DNAH8: variants seen among roughly 807,000 people sequenced by gnomAD.
DNAH8 encodes the protein dynein axonemal heavy chain 8, also known as axonemal beta dynein heavy chain 8.
In DNAH8, 382 loss-of-function variants were observed where a neutral mutation model predicts 562.1. That is an observed-to-expected ratio of 0.68 (90% CI 0.63 to 0.74). The LOEUF (loss-of-function observed/expected upper bound fraction) is 0.74, where lower values mean the gene tolerates loss of function less well. Ranked by LOEUF, DNAH8 falls within the 30% of genes least tolerant of loss-of-function variation. DNAH8 has a pLI of 0.00. For synonymous variants in DNAH8, 1,881 were observed against 1,919.4 expected (o/e 0.98, Z 0.52); for missense variants, 5,203 against 5,620.4 (o/e 0.93, Z 2.37).
intron 36 of DNAH8, among the ~76,000 whole-genome samples, chr6:38,848,056 G>A (rs536671543): frequency 6.6e-6 from 1 of 152,128 alleles, no homozygotes; most frequent in Non-Finnish European, 1.5e-5. Flanking sequence ...CAGACTTCAA[G>A]CTTGACTCTG....
chr6:38,842,623 T>C, intron 34 of DNAH8, 40 bp from the exon 35 acceptor site: 1 of 1,599,534 alleles, frequency 6.3e-7, no homozygotes, highest in Non-Finnish European at 8.5e-7. Context: ...CTCAAATAAA[T>C]GTGAAGGTGG....
chr6:38,937,893 T>C, intron 77 of DNAH8, 81 bp from the exon 78 acceptor site: 3 of 1,471,628 alleles, frequency 2.0e-6, no homozygotes, highest in Non-Finnish European at 1.8e-6. Context: ...CTAACAGCGT[T>C]TTTTTTTTTT....
At chr6:38,857,268 C>T (rs1255476474) in intron 41 of DNAH8, among the ~76,000 whole-genome samples, 1 of 152,142 alleles carries the variant, frequency 6.6e-6, no homozygotes, top group Non-Finnish European at 1.5e-5. Context: ...GAAAAATTTC[C>T]TAACCATCTT....
chr6:38,890,589 G>A (rs1242668262), intron 57 of DNAH8, 63 bp from the exon 58 acceptor site: 3 of 1,172,244 alleles, frequency 2.6e-6, no homozygotes, highest in Non-Finnish European at 3.8e-6. Context: ...TTGTTTACTG[G>A]GATAAACATA....
intron 77 of DNAH8, among the ~76,000 whole-genome samples, chr6:38,937,381 C>G (rs1475004087): frequency 6.6e-6 from 1 of 151,864 alleles, no homozygotes; most frequent in Non-Finnish European, 1.5e-5. Context: ...AAAGGCAAAA[C>G]TAAAAATAAA....
chr6:38,917,552 T>G, intron 69 of DNAH8, 146 bp downstream of exon 69: 1 of 709,694 alleles, frequency 1.4e-6, no homozygotes. Context: ...ACCTAAAATG[T>G]AAAGAGGGAT....
intron 77 of DNAH8, among the ~76,000 whole-genome samples, chr6:38,936,752 C>A (rs1379446657): frequency 6.6e-6 from 1 of 152,168 alleles, no homozygotes; most frequent in Non-Finnish European, 1.5e-5. Context: ...CAAGAGTGTG[C>A]TGGATCAAGA....
chr6:38,978,334 G>T (rs1280810133), intron 85 of DNAH8, among the ~76,000 whole-genome samples: 1 of 152,070 alleles, frequency 6.6e-6, no homozygotes, highest in African/African-American at 2.4e-5. Flanking sequence ...TTCTTCATTC[G>T]GAAAAGTGTT....
At position 38,913,967 on chromosome 6, in the gene DNAH8, A is replaced by G; in HGVS notation, c.9963+15A>G. On this transcript the variant is annotated intron_variant, in intron 67 of 92. Coordinates refer to ENST00000327475, the MANE Select transcript of DNAH8 (RefSeq NM_001206927.2). ...AAGCAGACGAAGTGAGTTTGCATTT[A>G]TTTTATCACTGATGAGGAATATTTT... The G allele has an allele frequency of 1.3e-6, 2 of 1,576,600 alleles. No individual in the cohort carries two copies. Among genetic ancestry groups the G allele is most frequent in the Non-Finnish European group, 1.7e-6 (2 of 1,146,652 alleles).
chr6:38,827,744 T>C (rs1057145487), intron 29 of DNAH8, among the ~76,000 whole-genome samples: 2 of 89,710 alleles, frequency 2.2e-5, no homozygotes, highest in East Asian at 5.2e-4. Flanking sequence ...TTTTTTTTTT[T>C]TTTTTTTTTT....
At chr6:38,904,250 G>A (rs1053886004) in intron 62 of DNAH8, among the ~76,000 whole-genome samples, 4 of 152,202 alleles carry the variant, frequency 2.6e-5, no homozygotes, top group Non-Finnish European at 5.9e-5. Flanking sequence ...ACTCATGGAT[G>A]TGGAGTTCAG....
At chr6:38,772,153 C>T (rs113084537) in intron 12 of DNAH8, among the ~76,000 whole-genome samples, 18,496 of 151,432 alleles carry the variant, frequency 0.12, 1,355 homozygotes, top group Admixed American at 0.21. Flanking sequence ...CTCAGCCTCC[C>T]GAGTAGCTGG....
chr6:38,938,684 C>T lies in DNAH8; in HGVS notation c.11817-114C>T, dbSNP rs554964804. 1.9e-5 allele frequency: 13 copies of T among 700,134 alleles called. No individual in the cohort carries two copies. The African/African-American group carries it at 2.3e-4, about 13-fold the overall frequency. The allele number at this position is 700,134 out of a possible 1,614,324, so 43.4% of individuals were successfully genotyped here. A position where few individuals can be genotyped will look rare whatever the true frequency, so the allele number is the denominator to read the frequency against. ...GTGATGAATTAATCTGTGCAACAAA[C>T]CACCATGACATAGGTTTACCGACGT... is the stretch of plus-strand genomic sequence containing the variant. On this transcript the variant is annotated intron_variant, in intron 78 of 92. Coordinates refer to ENST00000327475, the MANE Select transcript of DNAH8 (RefSeq NM_001206927.2).
At chr6:38,851,209 G>A (rs1457520944) in intron 38 of DNAH8, among the ~76,000 whole-genome samples, 3 of 152,060 alleles carry the variant, frequency 2.0e-5, no homozygotes, top group African/African-American at 7.2e-5. Context: ...TGGCTTAATG[G>A]TTAGTTGTCC....
rs182835785 is a variant in DNAH8 at position 38,857,629 on chromosome 6, A to G, written c.5845A>G (p.Ile1949Val). The G allele has an allele frequency of 4.4e-5, 71 of 1,613,872 alleles. No homozygotes were observed. In the Middle Eastern group the frequency reaches 1.2e-3, roughly 26 times the overall value. Residue 1949 changes from isoleucine (I) to valine (V), a missense_variant, in exon 42 of 93, where the codon ATT becomes GTT. Transcript: ENST00000327475. ...MQVTNQKFLD[I>V]LNTLISQTTH... ...AGTGACCAATCAGAAATTTTTGGAT[A>G]TTCTAAATACTCTCATTAGTCAGAC...
intron 24 of DNAH8, among the ~76,000 whole-genome samples, chr6:38,812,906 A>C (rs1771925321): frequency 6.6e-6 from 1 of 152,214 alleles, no homozygotes; most frequent in South Asian, 2.1e-4. Flanking sequence ...CAATATGGAA[A>C]GAATAATAAT....
At chr6:39,024,290 A>G (rs370424690) in intron 91 of DNAH8, among the ~76,000 whole-genome samples, 10 of 152,218 alleles carry the variant, frequency 6.6e-5, no homozygotes, top group African/African-American at 1.7e-4. Context: ...TTGTAGATTC[A>G]TAGATCAGTA....
rs62396408 is a variant in DNAH8 at position 38,851,253 on chromosome 6, A to T, written c.5364-319A>T. Among the ~76,000 whole-genome samples the T allele has an allele frequency of 0.16, 24,042 of 151,966 alleles. 2,243 individuals carry two copies. The highest frequency in any genetic ancestry group is 0.21 in the Non-Finnish European group (14,364 of 67,954). ...ACTCTCAAAATGTGTTGGTTTGGAG[A>T]TACGGTTTGTGCTCCCCCTGGGTTT... On this transcript the variant is annotated intron_variant, in intron 38 of 92. Transcript: ENST00000327475.
chr6:38,939,528 T>C (rs1032247914), intron 79 of DNAH8, among the ~76,000 whole-genome samples: 1 of 152,172 alleles, frequency 6.6e-6, no homozygotes, highest in South Asian at 2.1e-4. Flanking sequence ...AAACCAGATA[T>C]TGCTTGAAAA....
Sources: gnomAD v4.1 joint callset for allele counts (sites outside exome capture counted in the v4.1 genomes callset) on GRCh38, gnomAD v4.1.1 for gene constraint, MANE v1.5 for transcripts, NCBI Gene and HGNC (gene_info 2026-07-23, HGNC 2026-07-21) for gene names.